GSK3B: variants seen among roughly 807,000 people sequenced by gnomAD.
GSK3B encodes the protein glycogen synthase kinase-3 beta.
A neutral mutation model predicts 56.4 loss-of-function variants in GSK3B; 15 were observed. The observed-to-expected ratio is 0.27, with a 90% CI of 0.18 to 0.41. The LOEUF is 0.41. GSK3B is among the 10% of genes least tolerant of loss of function. GSK3B has a pLI of 1.00. For synonymous variants in GSK3B, 181 were observed against 188.9 expected, an observed-to-expected ratio of 0.96 and a Z score of 0.34; for missense variants, 300 against 513.4, an observed-to-expected ratio of 0.58 and a Z score of 4.02.
chr3:120,063,125 A>T (rs2058251432), intron 1 of GSK3B, among the ~76,000 whole-genome samples: 1 of 152,188 alleles, frequency 6.6e-6, no homozygotes, highest in African/African-American at 2.4e-5. Flanking sequence ...CAATTTTTTT[A>T]AAAAAGCATT....
chr3:120,061,859 A>G (rs1376023578), intron 1 of GSK3B, among the ~76,000 whole-genome samples: 1 of 152,060 alleles, frequency 6.6e-6, no homozygotes, highest in Non-Finnish European at 1.5e-5. Flanking sequence ...CAGCCTCCCC[A>G]GTAGCTGGCA....
intron 2 of GSK3B, among the ~76,000 whole-genome samples, chr3:119,959,584 A>G (rs191204867): frequency 0.026 from 3,779 of 144,260 alleles, 167 homozygotes; most frequent in African/African-American, 0.091. Flanking sequence ...GCATGATCTC[A>G]GCTCACTGCA....
intron 2 of GSK3B, among the ~76,000 whole-genome samples, chr3:119,995,737 A>ATT (rs138237628): frequency 1.3e-3 from 171 of 130,584 alleles, no homozygotes; most frequent in Middle Eastern, 4.2e-3. Context: ...GCCTGAAATA[A>ATT]TTTTTTTTTT....
At chr3:119,918,354 T>A (rs1048181271) in intron 4 of GSK3B, among the ~76,000 whole-genome samples, 1 of 151,238 alleles carries the variant, frequency 6.6e-6, no homozygotes, top group African/African-American at 2.4e-5. Context: ...ACGCCTGTAA[T>A]CCCAGCTCGG....
intron 3 of GSK3B, among the ~76,000 whole-genome samples, chr3:119,938,240 A>G (rs535267645): frequency 6.6e-6 from 1 of 152,266 alleles, no homozygotes; most frequent in Admixed American, 6.5e-5. Context: ...CTTCTAAAAA[A>G]AATAGAAAAG....
In GSK3B at chr3:120,026,355, G is replaced by C. The variant is rs552041952; in HGVS notation, c.89-24116C>G. Among the ~76,000 whole-genome samples the C allele has an allele frequency of 3.0e-4, 45 of 152,210 alleles. 1 individual carries two copies. The Middle Eastern group carries it at 0.017, about 58-fold the overall frequency. ...CAAGAGCAGCGAAACAAAGGATACG[G>C]GAGAGAACTGAGGTAGTTTATAATC... is the stretch of plus-strand genomic sequence containing the variant. On this transcript the variant is annotated intron_variant, in intron 1 of 10. Transcript: ENST00000264235.
chr3:119,907,275 G>T (rs991995877), intron 6 of GSK3B, among the ~76,000 whole-genome samples: 1 of 152,066 alleles, frequency 6.6e-6, no homozygotes, highest in African/African-American at 2.4e-5. Flanking sequence ...TGAAAAAATT[G>T]TAAGGGAATA....
intron 1 of GSK3B, among the ~76,000 whole-genome samples, chr3:120,049,198 T>G (rs1367483522): frequency 6.6e-6 from 1 of 152,180 alleles, no homozygotes; most frequent in Middle Eastern, 3.2e-3. Flanking sequence ...ATGTAAAAAT[T>G]GTATGAGACA....
At chr3:119,988,671 G>A (rs2057537571) in intron 2 of GSK3B, among the ~76,000 whole-genome samples, 1 of 152,136 alleles carries the variant, frequency 6.6e-6, no homozygotes, top group Non-Finnish European at 1.5e-5. Context: ...AAGTTATCTT[G>A]GGACCTCAAG....
chr3:119,952,253 C>A (rs367959620), intron 2 of GSK3B, among the ~76,000 whole-genome samples: 1 of 151,866 alleles, frequency 6.6e-6, no homozygotes, highest in Admixed American at 6.6e-5. Flanking sequence ...TTTGGGAGGC[C>A]GAGGCGGGTG....
intron 10 of GSK3B, among the ~76,000 whole-genome samples, chr3:119,839,889 G>GA (rs2055747859): frequency 6.6e-6 from 1 of 152,078 alleles, no homozygotes; most frequent in East Asian, 1.9e-4. Context: ...GGTATGTGGG[G>GA]GTATATTACT....
chr3:120,052,376 T>A (rs2058157575), intron 1 of GSK3B, among the ~76,000 whole-genome samples: 2 of 152,182 alleles, frequency 1.3e-5, no homozygotes, highest in Admixed American at 1.3e-4. Flanking sequence ...GCCCTCCAAG[T>A]ACTGCCATGG....
intron 1 of GSK3B, among the ~76,000 whole-genome samples, chr3:120,023,139 T>G (rs1002706530): frequency 6.6e-6 from 1 of 151,814 alleles, no homozygotes; most frequent in African/African-American, 2.4e-5. Flanking sequence ...CTGCTAGCTG[T>G]GACTGCTGGT....
intron 7 of GSK3B, among the ~76,000 whole-genome samples, chr3:119,880,162 T>G (rs2056364132): frequency 6.6e-6 from 1 of 152,184 alleles, no homozygotes; most frequent in Admixed American, 6.5e-5. Context: ...AAAAGCCATT[T>G]TATCTGGGGT....
chr3:119,882,249 C>G (rs1193973907), intron 7 of GSK3B, among the ~76,000 whole-genome samples: 3 of 151,800 alleles, frequency 2.0e-5, no homozygotes, highest in African/African-American at 7.3e-5. Flanking sequence ...TGCTTATATA[C>G]ACGGTATGCT....
chr3:119,966,178 T>G (rs986473131), intron 2 of GSK3B, among the ~76,000 whole-genome samples: 2 of 152,186 alleles, frequency 1.3e-5, no homozygotes, highest in Non-Finnish European at 2.9e-5. Context: ...TTGGCCAGCC[T>G]TAGTTCACAC....
At position 119,962,385 on chromosome 3, in the gene GSK3B, A is replaced by C. The variant is rs995931233; in HGVS notation, c.283-15034T>G. ...AGTGAAACTCTGTCTCAAAAAAAAA[A>C]AAAAACAAAAACAAAAAAACAAAAA... is the stretch of plus-strand genomic sequence containing the variant. On this transcript the variant is annotated intron_variant, in intron 2 of 10. Coordinates refer to ENST00000264235, the MANE Select transcript of GSK3B (RefSeq NM_001146156.2). Among the ~76,000 whole-genome samples the C allele has an allele frequency of 2.1e-4, 32 of 151,734 alleles. 2 individuals carry two copies. The highest frequency in any genetic ancestry group is 4.6e-4 in the African/African-American group (19 of 41,444).
intron 1 of GSK3B, among the ~76,000 whole-genome samples, chr3:120,008,798 G>A (rs1034509474): frequency 6.6e-6 from 1 of 152,082 alleles, no homozygotes; most frequent in Non-Finnish European, 1.5e-5. Flanking sequence ...CATAGGCATG[G>A]GCAAAGACTT....
intron 7 of GSK3B, among the ~76,000 whole-genome samples, chr3:119,887,849 A>C (rs2056456380): frequency 6.6e-6 from 1 of 152,126 alleles, no homozygotes; most frequent in African/African-American, 2.4e-5. Context: ...AATCTTCAAG[A>C]ATGCCAGAAA....
Sources: gnomAD v4.1 joint callset for allele counts (sites outside exome capture counted in the v4.1 genomes callset) on GRCh38, gnomAD v4.1.1 for gene constraint, MANE v1.5 for transcripts, NCBI Gene and HGNC (gene_info 2026-07-23, HGNC 2026-07-21) for gene names.